Variants in MAGI2 observed in about 807,000 individuals in gnomAD.
The protein encoded by MAGI2 is membrane associated guanylate kinase, WW and PDZ domain containing 2.
MAGI2 carries 35 observed loss-of-function variants against 133.3 expected under a neutral mutation model. The ratio of observed to expected loss-of-function variants is 0.26; its 90% CI spans 0.20 to 0.35. The LOEUF (loss-of-function observed/expected upper bound fraction) is 0.35. Ranked by LOEUF, MAGI2 falls within the 10% of genes least tolerant of loss-of-function variation. MAGI2 has a pLI of 1.00. For missense variants in MAGI2, 1,636 were observed against 1,863.4 expected, an observed-to-expected ratio of 0.88 and a Z score of 2.25; for synonymous variants, 729 against 710.6, an observed-to-expected ratio of 1.03 and a Z score of -0.41.
chr7:78,094,508 C>T (rs1289087990), intron 20 of MAGI2, among the ~76,000 whole-genome samples: 1 of 152,116 alleles, frequency 6.6e-6, no homozygotes. Context: ...AAATGTGGAC[C>T]ACTTGTCACC....
At chr7:78,169,001 C>G (rs1022978029) in intron 14 of MAGI2, among the ~76,000 whole-genome samples, 4 of 152,290 alleles carry the variant, frequency 2.6e-5, no homozygotes, top group African/African-American at 9.6e-5. Flanking sequence ...CCAGTTCTGC[C>G]TGTTCCCTGA....
At chr7:79,247,810 T>C (rs1182991747) in intron 1 of MAGI2, among the ~76,000 whole-genome samples, 1 of 152,108 alleles carries the variant, frequency 6.6e-6, no homozygotes, top group Non-Finnish European at 1.5e-5. Context: ...AATAATGACT[T>C]ATAAGATAAT....
At chr7:79,396,229 T>C (rs1289109982) in intron 1 of MAGI2, among the ~76,000 whole-genome samples, 1 of 152,144 alleles carries the variant, frequency 6.6e-6, no homozygotes, top group Non-Finnish European at 1.5e-5. Flanking sequence ...CAAATGTGTG[T>C]CATTTCTAGG....
At chr7:78,045,515 C>T (rs1351438476) in intron 21 of MAGI2, among the ~76,000 whole-genome samples, 1 of 146,080 alleles carries the variant, frequency 6.8e-6, no homozygotes, top group Non-Finnish European at 1.5e-5. Flanking sequence ...ATGTGTTAAG[C>T]ACTTTAATAG....
intron 6 of MAGI2, among the ~76,000 whole-genome samples, chr7:78,477,693 C>T (rs1395790985): frequency 1.3e-5 from 2 of 151,910 alleles, no homozygotes; most frequent in African/African-American, 4.8e-5. Flanking sequence ...TCAATTATTT[C>T]CACCTGGCCC....
At chr7:79,041,176 G>A (rs1403439030) in intron 1 of MAGI2, among the ~76,000 whole-genome samples, 4 of 152,208 alleles carry the variant, frequency 2.6e-5, no homozygotes, top group Non-Finnish European at 4.4e-5. Context: ...ATTCCTTAGA[G>A]ATAAACAATC....
chr7:78,183,391 G>A (rs751609002), intron 13 of MAGI2, among the ~76,000 whole-genome samples: 5 of 150,300 alleles, frequency 3.3e-5, no homozygotes, highest in African/African-American at 7.3e-5. Flanking sequence ...TCAGCTTCCC[G>A]AGTAGCTGGG....
intron 6 of MAGI2, among the ~76,000 whole-genome samples, chr7:78,451,219 C>G (rs1584192636): frequency 6.6e-6 from 1 of 151,986 alleles, no homozygotes. Flanking sequence ...TTGTGCCCTT[C>G]CTATTCATCA....
In MAGI2 at chr7:79,223,121, G is replaced by A. The variant is rs908885241; in HGVS notation, c.302-215915C>T. On this transcript the variant is annotated intron_variant, in intron 1 of 21. Coordinates refer to ENST00000354212, the MANE Select transcript of MAGI2 (RefSeq NM_012301.4). ...AGGATGGTCTCGATCTCCTGACCTC[G>A]TGATCCACCCGCCTCGGCCTCCCAA... Among the ~76,000 whole-genome samples the A allele has an allele frequency of 5.3e-5, 8 of 151,946 alleles. 2 individuals are homozygous for A. The highest frequency in any genetic ancestry group is 1.9e-4 in the African/African-American group (8 of 41,296).
chr7:79,312,584 C>T (rs1838372607), intron 1 of MAGI2, among the ~76,000 whole-genome samples: 1 of 152,152 alleles, frequency 6.6e-6, no homozygotes, highest in Non-Finnish European at 1.5e-5. Context: ...TAACTAATAA[C>T]ATAGAATTTA....
At chr7:78,557,097 A>AAAAAAG (rs1554473311) in intron 3 of MAGI2, among the ~76,000 whole-genome samples, 2,070 of 138,642 alleles carry the variant, frequency 0.015, 81 homozygotes, top group South Asian at 0.1. Context: ...AAAAAAAAAA[A>AAAAAAG]AAAGAAAAAG....
chr7:79,057,910 G>T (rs1245207601), intron 1 of MAGI2, among the ~76,000 whole-genome samples: 1 of 151,618 alleles, frequency 6.6e-6, no homozygotes, highest in African/African-American at 2.4e-5. Context: ...ATGGGCAGGT[G>T]ACTGTAAGTA....
intron 21 of MAGI2, among the ~76,000 whole-genome samples, chr7:78,075,570 G>T (rs531290156): frequency 9.2e-5 from 14 of 151,796 alleles, no homozygotes; most frequent in African/African-American, 3.4e-4. Flanking sequence ...TAGAGACGGG[G>T]TTTCACCGTG....
intron 1 of MAGI2, among the ~76,000 whole-genome samples, chr7:79,369,632 T>C (rs2129132167): frequency 6.6e-6 from 1 of 152,302 alleles, no homozygotes; most frequent in South Asian, 2.1e-4. Context: ...CCAGCACAAC[T>C]TAAAATTGGA....
Position 78,372,929 on chromosome 7 carries a change from T to C in MAGI2, c.1046-3716A>G, listed in dbSNP as rs377263551. On this transcript the variant is annotated intron_variant, in intron 6 of 21. Transcript: ENST00000354212. ...AGAAGATATCCACATTCTGATATTA[T>C]GCACTGAGAAGGGCACAGCTTTACC... Among the ~76,000 whole-genome samples the C allele has an allele frequency of 1.8e-4, 27 of 152,312 alleles. 1 individual carries two copies. In the South Asian group the frequency reaches 5.2e-3, roughly 29 times the overall value.
chr7:79,404,270 T>C (rs147909057), intron 1 of MAGI2, among the ~76,000 whole-genome samples: 4 of 152,238 alleles, frequency 2.6e-5, no homozygotes, highest in Middle Eastern at 3.4e-3. Context: ...TAAGACCAAA[T>C]AGTCTTCCCT....
intron 16 of MAGI2, among the ~76,000 whole-genome samples, chr7:78,143,668 TAAGAC>T (rs1390145662): frequency 1.3e-5 from 2 of 152,188 alleles, no homozygotes; most frequent in Non-Finnish European, 2.9e-5. Context: ...TACTGATTAT[TAAGAC>T]AGGTACAGTT....
chr7:78,867,197 C>A (rs1794634009), intron 2 of MAGI2, among the ~76,000 whole-genome samples: 2 of 151,264 alleles, frequency 1.3e-5, no homozygotes, highest in Admixed American at 1.3e-4. Context: ...TGGGTATATA[C>A]CCAAAGGACT....
intron 2 of MAGI2, among the ~76,000 whole-genome samples, chr7:78,825,181 A>G (rs528620181): frequency 8.2e-4 from 125 of 152,286 alleles, no homozygotes; most frequent in Non-Finnish European, 1.4e-3. Context: ...GCAGCAAACC[A>G]TCATGGCACA....
Sources: allele counts gnomAD v4.1 joint callset (sites outside exome capture counted in the v4.1 genomes callset), GRCh38; gene constraint gnomAD v4.1.1; transcripts MANE v1.5; gene names NCBI Gene and HGNC (gene_info 2026-07-23, HGNC 2026-07-21).